The following CPNE4 variants were observed in gnomAD, a reference collection of about 807,000 sequenced individuals.
CPNE4 encodes copine-4.
Under a neutral mutation model 67.9 loss-of-function variants are expected in CPNE4, and 25 were observed. The ratio of observed to expected loss-of-function variants is 0.37; its 90% CI spans 0.27 to 0.51. The LOEUF (loss-of-function observed/expected upper bound fraction) is 0.51, where lower values mean the gene tolerates loss of function less well. Ranked by LOEUF, CPNE4 falls within the 20% of genes least tolerant of loss-of-function variation. The pLI is 0.93. For missense variants in CPNE4, 464 were observed against 690.8 expected (o/e 0.67, Z 3.68); for synonymous variants, 242 against 244.9 (o/e 0.99, Z 0.11).
chr3:131,926,308 T>TA (rs1347825093), intron 1 of CPNE4, among the ~76,000 whole-genome samples: 7 of 152,000 alleles, frequency 4.6e-5, no homozygotes, highest in African/African-American at 9.7e-5. Flanking sequence ...ACAAGCATTG[T>TA]AAAAAAACAA....
upstream of CPNE4, chr3:132,035,247 G>C (rs1427839112): frequency 1.2e-5 from 2 of 161,544 alleles, no homozygotes; most frequent in Non-Finnish European, 2.6e-5. Context: ...ATCTCCAAGT[G>C]CTTGGTCTCC....
chr3:131,548,695 A>G (rs1392500698), intron 14 of CPNE4, among the ~76,000 whole-genome samples: 1 of 152,128 alleles, frequency 6.6e-6, no homozygotes, highest in Non-Finnish European at 1.5e-5. Flanking sequence ...TGGCTGAAAT[A>G]TAGGGAGCGA....
chr3:131,746,122 T>C (rs2082482179), intron 2 of CPNE4, among the ~76,000 whole-genome samples: 1 of 152,120 alleles, frequency 6.6e-6, no homozygotes, highest in Non-Finnish European at 1.5e-5. Flanking sequence ...TGCCTTAGTG[T>C]TTCAGGTTTT....
chr3:131,546,388 G>C (rs550337312), intron 14 of CPNE4, among the ~76,000 whole-genome samples: 1 of 152,052 alleles, frequency 6.6e-6, no homozygotes, highest in African/African-American at 2.4e-5. Flanking sequence ...GATAAAGAGG[G>C]GCATTTTTTA....
intron 11 of CPNE4, among the ~76,000 whole-genome samples, chr3:131,556,528 G>GACCC (rs1388515553): frequency 1.3e-5 from 2 of 152,000 alleles, no homozygotes; most frequent in African/African-American, 4.8e-5. Context: ...AACTCAAAGA[G>GACCC]ACCCTGTCTT....
At chr3:131,817,428 G>A (rs1583257825) in intron 2 of CPNE4, among the ~76,000 whole-genome samples, 1 of 152,276 alleles carries the variant, frequency 6.6e-6, no homozygotes, top group African/African-American at 2.4e-5. Flanking sequence ...AAGTCTATGT[G>A]GCTCAAATGC....
At chr3:132,012,907 A>AT in intron 1 of CPNE4, among the ~76,000 whole-genome samples, 1 of 152,288 alleles carries the variant, frequency 6.6e-6, no homozygotes, top group South Asian at 2.1e-4. Flanking sequence ...GAAGGTCCTA[A>AT]TAACAGCGGC....
chr3:131,958,233 G>A (rs1244113181), intron 1 of CPNE4, among the ~76,000 whole-genome samples: 2 of 152,206 alleles, frequency 1.3e-5, no homozygotes, highest in Non-Finnish European at 2.9e-5. Context: ...GTATAGATGA[G>A]CAATAAATAG....
At chr3:131,783,459 A>G (rs551100362) in intron 2 of CPNE4, among the ~76,000 whole-genome samples, 1 of 152,244 alleles carries the variant, frequency 6.6e-6, no homozygotes, top group African/African-American at 2.4e-5. Flanking sequence ...ATTTTGACTT[A>G]GGTTAAAGTA....
chr3:131,661,028 C>T (rs1444781964), intron 7 of CPNE4, among the ~76,000 whole-genome samples: 4 of 152,190 alleles, frequency 2.6e-5, no homozygotes, highest in Non-Finnish European at 1.5e-5. Flanking sequence ...TACTGGATTA[C>T]TTCATGAAGG....
chr3:131,799,297 C>A (rs1016259939), intron 2 of CPNE4, among the ~76,000 whole-genome samples: 1 of 152,104 alleles, frequency 6.6e-6, no homozygotes, highest in African/African-American at 2.4e-5. Context: ...AGGAACAGAG[C>A]TGTGATACTA....
At chr3:131,755,454 C>T (rs2107804085) in intron 2 of CPNE4, among the ~76,000 whole-genome samples, 1 of 152,280 alleles carries the variant, frequency 6.6e-6, no homozygotes, top group South Asian at 2.1e-4. Flanking sequence ...AATTTGAAAA[C>T]TGCTACCACT....
intron 2 of CPNE4, among the ~76,000 whole-genome samples, chr3:131,866,838 C>T (rs773986894): frequency 5.3e-5 from 8 of 152,096 alleles, no homozygotes; most frequent in South Asian, 2.1e-4. Flanking sequence ...CAAAATTACG[C>T]GAATTAATAA....
rs115253753 is a variant in CPNE4 at position 131,656,706 on chromosome 3, C to G, written c.681+12969G>C. 4.8e-3 allele frequency among the ~76,000 whole-genome samples: 732 copies of G among 152,256 alleles called. 3 individuals are homozygous for G. The highest frequency in any genetic ancestry group is 0.017 in the African/African-American group (691 of 41,548). The stretch of plus-strand genomic sequence containing the variant: ...GGCACTTATATTTCAGTAGAGGACT[C>G]AAACTATAAACATGTAAACAAATAA... On this transcript the variant is annotated intron_variant, in intron 7 of 15. Transcript: ENST00000429747.
At position 131,988,617 on chromosome 3, in the gene CPNE4, T is replaced by C. The variant is rs117516797; in HGVS notation, c.-2+45950A>G. On this transcript the variant is annotated intron_variant, in intron 1 of 15. Transcript: ENST00000429747. ...AAGGAGTCAAAGATGACTTTGAGTG[T>C]TCTCACTTGCACACCTGTAAAAATC... is the stretch of plus-strand genomic sequence containing the variant. 1.4e-3 allele frequency among the ~76,000 whole-genome samples: 219 copies of C among 152,300 alleles called. 3 individuals carry two copies. The East Asian group carries it at 0.034, about 23-fold the overall frequency.
At chr3:131,744,125 A>G (rs563896888) in intron 2 of CPNE4, among the ~76,000 whole-genome samples, 1 of 152,022 alleles carries the variant, frequency 6.6e-6, no homozygotes, top group East Asian at 1.9e-4. Flanking sequence ...AAATAGCTAA[A>G]ATGACTTTTA....
chr3:131,541,299 G>A (rs1304319364), intron 15 of CPNE4, among the ~76,000 whole-genome samples: 4 of 152,178 alleles, frequency 2.6e-5, no homozygotes, highest in Non-Finnish European at 5.9e-5. Context: ...AGTAGGTGCA[G>A]GGATTTGTGG....
intron 1 of CPNE4, among the ~76,000 whole-genome samples, chr3:132,021,333 A>G (rs112852956): frequency 0.11 from 16,284 of 152,264 alleles, 932 homozygotes; most frequent in Non-Finnish European, 0.12. Flanking sequence ...GCATAGCAAC[A>G]AAGTTCTACT....
intron 2 of CPNE4, among the ~76,000 whole-genome samples, chr3:131,864,177 T>A (rs2086826340): frequency 6.6e-6 from 1 of 151,322 alleles, no homozygotes; most frequent in East Asian, 2.0e-4. Context: ...TAGGCTTGAC[T>A]TGGCAATGCG....
Sources: gnomAD v4.1 joint callset for allele counts (sites outside exome capture counted in the v4.1 genomes callset) on GRCh38, gnomAD v4.1.1 for gene constraint, MANE v1.5 for transcripts, NCBI Gene and HGNC (gene_info 2026-07-23, HGNC 2026-07-21) for gene names.